The following ASB3 variants were observed in gnomAD, a reference collection of about 807,000 sequenced individuals.
ASB3 encodes ankyrin repeat and SOCS box protein 3.
ASB3 carries 41 observed loss-of-function variants against 54.5 expected under a neutral mutation model. The ratio of observed to expected loss-of-function variants is 0.75; its 90% CI spans 0.59 to 0.98. The LOEUF is 0.98. Among genes scored for constraint, ASB3 ranks in the 50% least tolerant of loss-of-function variants. ASB3 has a pLI of 0.00. For synonymous variants in ASB3, 266 were observed against 221.2 expected (o/e 1.20, Z -1.80); for missense variants, 733 against 620.0 (o/e 1.18, Z -1.94).
At chr2:53,754,260 G>A (rs576845815) in intron 2 of ASB3, among the ~76,000 whole-genome samples, 11 of 152,196 alleles carry the variant, frequency 7.2e-5, no homozygotes, top group African/African-American at 1.7e-4. Flanking sequence ...ATAAATTAAC[G>A]GGAGAGAAGA....
At chr2:53,714,244 T>A (rs976369276) in intron 7 of ASB3, 140 bp downstream of exon 7, 69 of 1,064,456 alleles carry the variant, frequency 6.5e-5, no homozygotes, top group Non-Finnish European at 8.8e-5. Flanking sequence ...AACATCATAG[T>A]TTTTTTCCTA....
At chr2:53,762,171 C>G in intron 2 of ASB3, among the ~76,000 whole-genome samples, 1 of 149,806 alleles carries the variant, frequency 6.7e-6, no homozygotes, top group African/African-American at 2.4e-5. Context: ...AGTGATCTAA[C>G]TGTGTGTGTG....
At chr2:53,699,916 G>C (rs1204635788) in intron 8 of ASB3, among the ~76,000 whole-genome samples, 4 of 152,158 alleles carry the variant, frequency 2.6e-5, no homozygotes, top group Non-Finnish European at 4.4e-5. Context: ...CAGTCTGGTT[G>C]GCTGAGGGAT....
At chr2:53,760,476 A>G (rs1673081395) in intron 2 of ASB3, among the ~76,000 whole-genome samples, 1 of 152,216 alleles carries the variant, frequency 6.6e-6, no homozygotes, top group Admixed American at 6.5e-5. Context: ...AAATGCTTAC[A>G]GAAGGACCCC....
intron 1 of ASB3, among the ~76,000 whole-genome samples, chr2:53,769,707 G>A (rs901366276): frequency 6.6e-6 from 1 of 152,240 alleles, no homozygotes; most frequent in African/African-American, 2.4e-5. Context: ...TTAGCTGGGC[G>A]TGGTGGCGCA....
chr2:53,763,493 G>A, intron 2 of ASB3: 1 of 169,450 alleles, frequency 5.9e-6, no homozygotes. Flanking sequence ...TTTTGTATGT[G>A]TGTATAGGAC....
intron 1 of ASB3, among the ~76,000 whole-genome samples, chr2:53,766,157 T>A (rs1265500036): frequency 6.6e-6 from 1 of 152,196 alleles, no homozygotes; most frequent in Non-Finnish European, 1.5e-5. Context: ...AGATTCTCTA[T>A]GCTTGACCAA....
At chr2:53,694,067 C>T (rs1669058099) in intron 8 of ASB3, 53 bp from the exon 9 acceptor site, 36 of 1,592,432 alleles carry the variant, frequency 2.3e-5, no homozygotes, top group Non-Finnish European at 2.7e-5. Context: ...GCCAAGGGTT[C>T]GTACTTGAAA....
rs758424510 is a variant in ASB3 at position 53,692,154 on chromosome 2, CA to C, written c.1369+1729del. Among the ~76,000 whole-genome samples the C allele has an allele frequency of 6.0e-4, 92 of 152,216 alleles. 1 individual carries two copies. Among genetic ancestry groups the C allele is most frequent in the Non-Finnish European group, 8.7e-4 (59 of 68,006 alleles). ...GTCTGCAGACATTGCCAAATGTCTA[CA>C]GGGGGGGCAAAAATCACCCCTATGC... On this transcript the variant is annotated intron_variant, in intron 9 of 9. Transcript: ENST00000263634.
rs1670414523 is a variant in ASB3 at position 53,716,732 on chromosome 2, T to A, written c.616A>T (p.Asn206Tyr). 1 of 1,612,650 alleles carries A rather than the reference T, an allele frequency of 6.2e-7. No homozygotes were observed. Among genetic ancestry groups the A allele is most frequent in the Non-Finnish European group, 8.5e-7 (1 of 1,179,090 alleles). The stretch of plus-strand genomic sequence containing the variant: ...GTAGCTTTGTCCAAGGCTTGACAAT[T>A]GACATTTGCACCTAAGGGTACAAAA... ...SILISSGANV[N>Y]CQALDKATPL... The change falls in exon 6 of 10, where the codon AAT becomes TAT. Residue 206 changes from asparagine to tyrosine, a missense_variant. By Grantham distance (143) the Asn-to-Tyr change is moderately radical (BLOSUM62 -2). Coordinates refer to ENST00000263634, the MANE Select transcript of ASB3 (RefSeq NM_016115.5).
chr2:53,707,986 G>GAAAGA (rs1339297561), intron 7 of ASB3, among the ~76,000 whole-genome samples: 8 of 149,834 alleles, frequency 5.3e-5, no homozygotes, highest in Admixed American at 2.0e-4. Flanking sequence ...AAGAAAGAAA[G>GAAAGA]AAAGAAAAGA....
chr2:53,786,909 A>C lies in ASB3; in HGVS notation c.-102T>G, dbSNP rs568710389. On this transcript the variant is annotated 5_prime_UTR_variant, in exon 1 of 10. Transcript: ENST00000263634. The stretch of plus-strand genomic sequence containing the variant: ...CCAGAAGCCCCCGCTTTCGATCCCC[A>C]CCGCGATGCTGCAGCCGTCCGAAAA... 44 of 360,524 alleles carry C rather than the reference A, an allele frequency of 1.2e-4. No homozygotes were observed. Among genetic ancestry groups the C allele is most frequent in the Admixed American group, 2.6e-4 (6 of 23,164 alleles). 22.3% of individuals were successfully genotyped at this position (360,524 alleles called of 1,614,324 possible).
chr2:53,762,271 G>A (rs555150145), intron 2 of ASB3, among the ~76,000 whole-genome samples: 17 of 152,004 alleles, frequency 1.1e-4, no homozygotes, highest in African/African-American at 3.4e-4. Flanking sequence ...GAAAAAGAAA[G>A]GAATTAATGA....
chr2:53,776,018 T>C (rs1674314019), intron 1 of ASB3, among the ~76,000 whole-genome samples: 1 of 152,232 alleles, frequency 6.6e-6, no homozygotes, highest in South Asian at 2.1e-4. Context: ...ATAGGTTATT[T>C]CTTTCTCAAG....
At chr2:53,674,509 CTTAA>C (rs1489124839) in intron 9 of ASB3, among the ~76,000 whole-genome samples, 15 of 152,146 alleles carry the variant, frequency 9.9e-5, no homozygotes, top group African/African-American at 3.4e-4. Flanking sequence ...CGTCACAATT[CTTAA>C]TTCATTATGC....
chr2:53,736,512 C>G (rs1372212853), intron 3 of ASB3, among the ~76,000 whole-genome samples: 2 of 151,724 alleles, frequency 1.3e-5, no homozygotes, highest in Non-Finnish European at 2.9e-5. Context: ...TCCTGGCTAA[C>G]ACGGTGAAAC....
chr2:53,751,352 A>C lies in ASB3; in HGVS notation c.197-411T>G, dbSNP rs77361137. On this transcript the variant is annotated intron_variant, in intron 2 of 9. Coordinates refer to ENST00000263634, the MANE Select transcript of ASB3 (RefSeq NM_016115.5). ...TATAAGGGAAATGGTCTGATCTCTT[A>C]CCATTACTTCCTTGTAGTCAACTAA... Among the ~76,000 whole-genome samples the C allele has an allele frequency of 5.1e-3, 782 of 152,292 alleles. 2 individuals carry two copies. The highest frequency in any genetic ancestry group is 8.4e-3 in the Admixed American group (128 of 15,300).
intron 9 of ASB3, among the ~76,000 whole-genome samples, chr2:53,690,325 C>A (rs1282440325): frequency 6.6e-6 from 1 of 152,136 alleles, no homozygotes; most frequent in Non-Finnish European, 1.5e-5. Flanking sequence ...GCTCAAAAGG[C>A]ACACAGGCCA....
chr2:53,721,042 C>T (rs981487065), intron 5 of ASB3, among the ~76,000 whole-genome samples: 11 of 151,124 alleles, frequency 7.3e-5, no homozygotes, highest in African/African-American at 2.4e-4. Context: ...TTGCTTGAAC[C>T]AGGAGGGGGA....
Sources: gnomAD v4.1 joint callset for allele counts (sites outside exome capture counted in the v4.1 genomes callset) on GRCh38, gnomAD v4.1.1 for gene constraint, MANE v1.5 for transcripts, NCBI Gene and HGNC (gene_info 2026-07-23, HGNC 2026-07-21) for gene names.